DGKB: variants seen among roughly 807,000 people sequenced by gnomAD.
DGKB encodes the protein diacylglycerol kinase beta.
Under a neutral mutation model 114.3 loss-of-function variants are expected in DGKB, and 67 were observed. The ratio of observed to expected loss-of-function variants is 0.59; its 90% CI spans 0.48 to 0.72. The LOEUF is 0.72. DGKB is among the 30% of genes least tolerant of loss of function. The probability of loss-of-function intolerance (pLI) is 0.00; values close to 1 mark genes in which losing one functional copy is unlikely to be tolerated. For synonymous variants in DGKB, 398 were observed against 323.1 expected (o/e 1.23, Z -2.49); for missense variants, 907 against 975.2 (o/e 0.93, Z 0.93).
At chr7:14,284,364 G>T (rs62443697) in intron 23 of DGKB, among the ~76,000 whole-genome samples, 1 of 142,916 alleles carries the variant, frequency 7.0e-6, no homozygotes, top group African/African-American at 2.9e-5. Context: ...GGAAACAACA[G>T]GTGCTGGAGA....
At chr7:14,303,321 GTA>G (rs1397088395) in intron 23 of DGKB, among the ~76,000 whole-genome samples, 1 of 152,040 alleles carries the variant, frequency 6.6e-6, no homozygotes, top group Non-Finnish European at 1.5e-5. Flanking sequence ...ACTTGGATGT[GTA>G]TGACTGTATT....
rs1424437545 is a variant in DGKB at position 14,338,551 on chromosome 7, C to A, written c.2086G>T (p.Val696Phe). 1.6e-5 allele frequency: 26 copies of A among 1,593,432 alleles called. No individual in the cohort carries two copies. Among genetic ancestry groups the A allele is most frequent in the Non-Finnish European group, 2.2e-5 (26 of 1,170,882 alleles). The change falls in exon 23 of 26, where the codon GTC becomes TTC. Residue 696 changes from valine (V) to phenylalanine (F), a missense_variant. Val to Phe is a conservative substitution (Grantham distance 50, BLOSUM62 -1). Transcript: ENST00000402815. ...AACTTCAACTCTTTGGCATCTGTGA[C>A]GGTGGTCCTTTTGTCAGACCCTTTT... ...EKKGSDKRTT[V>F]TDAKELKFAS...
chr7:14,960,432 C>A (rs1054258822), intron 1 of DGKB, among the ~76,000 whole-genome samples: 8 of 151,530 alleles, frequency 5.3e-5, no homozygotes, highest in Non-Finnish European at 7.4e-5. Context: ...TACAGGCAAT[C>A]CTCTGACTTT....
chr7:14,254,262 T>C (rs766785339), intron 23 of DGKB, among the ~76,000 whole-genome samples: 10 of 152,338 alleles, frequency 6.6e-5, no homozygotes, highest in Non-Finnish European at 1.3e-4. Context: ...ATTTTTATCA[T>C]GCTTTCTTCA....
intron 20 of DGKB, among the ~76,000 whole-genome samples, chr7:14,514,829 G>A (rs1332379256): frequency 2.0e-5 from 3 of 152,024 alleles, no homozygotes; most frequent in Non-Finnish European, 2.9e-5. Context: ...TGAGACAGGA[G>A]GACTGCTTGA....
rs150437989 is a variant in DGKB, at chr7:14,167,548, T to C, written c.2304+9291A>G. On this transcript the variant is annotated intron_variant, in intron 25 of 25. Transcript: ENST00000402815. ...AGGAGGTGGCTTGAGAAAGCTATCCTATGAAGTTGCATTTGATCACCTGAG... is the reference window on the plus strand; with the variant it reads ...AGGAGGTGGCTTGAGAAAGCTATCCCATGAAGTTGCATTTGATCACCTGAG... Among the ~76,000 whole-genome samples the C allele has an allele frequency of 1.9e-3, 289 of 152,302 alleles. 1 individual carries two copies. The highest frequency in any genetic ancestry group is 6.5e-3 in the African/African-American group (272 of 41,570).
intron 20 of DGKB, among the ~76,000 whole-genome samples, chr7:14,510,433 C>G (rs561786918): frequency 6.6e-6 from 1 of 152,258 alleles, no homozygotes; most frequent in African/African-American, 2.4e-5. Flanking sequence ...TCCATAAGAA[C>G]CAACTCCCCA....
At chr7:14,965,138 T>C (rs2115285139) in intron 1 of DGKB, among the ~76,000 whole-genome samples, 1 of 152,240 alleles carries the variant, frequency 6.6e-6, no homozygotes, top group South Asian at 2.1e-4. Context: ...TTTATTTTGA[T>C]ATGTAGAATT....
intron 23 of DGKB, among the ~76,000 whole-genome samples, chr7:14,249,893 T>C (rs1310593608): frequency 6.6e-6 from 1 of 151,968 alleles, no homozygotes; most frequent in Non-Finnish European, 1.5e-5. Flanking sequence ...TTGCTCCTCA[T>C]TTTTTAGCTT....
chr7:14,556,182 A>AT (rs1365159876), intron 20 of DGKB, among the ~76,000 whole-genome samples: 1 of 152,172 alleles, frequency 6.6e-6, no homozygotes, highest in East Asian at 1.9e-4. Flanking sequence ...AATTATTTAG[A>AT]TTTCCTCATA....
At chr7:14,861,433 C>CT (rs1034682020) in intron 1 of DGKB, among the ~76,000 whole-genome samples, 1 of 151,758 alleles carries the variant, frequency 6.6e-6, no homozygotes, top group African/African-American at 2.4e-5. Flanking sequence ...CATAGCTGAT[C>CT]TTTTTTTCAT....
At position 14,192,483 on chromosome 7, in the gene DGKB, CAT is replaced by C. The variant is rs549904042; in HGVS notation, c.2123-14334_2123-14333del. Among the ~76,000 whole-genome samples the C allele has an allele frequency of 1.3e-3, 205 of 152,206 alleles. 4 individuals are homozygous for C. The Middle Eastern group carries it at 0.014, about 10-fold the overall frequency. On this transcript the variant is annotated intron_variant, in intron 23 of 25. Transcript: ENST00000402815. ...AAGAGGACACAAATAAATGGAAAGA[CAT>C]ATTATATTCATGAATTGGAAGAATT...
chr7:14,565,772 T>C (rs543511949), intron 20 of DGKB, among the ~76,000 whole-genome samples: 1 of 152,172 alleles, frequency 6.6e-6, no homozygotes, highest in African/African-American at 2.4e-5. Context: ...TCTCTTATTT[T>C]ACTAGAAGAT....
At chr7:14,679,446 T>C (rs1351317467) in intron 12 of DGKB, among the ~76,000 whole-genome samples, 3 of 152,032 alleles carry the variant, frequency 2.0e-5, no homozygotes, top group African/African-American at 7.2e-5. Flanking sequence ...GAGGAGACGA[T>C]CTTAAGAATC....
chr7:14,191,876 C>A, intron 23 of DGKB: 1 of 519,662 alleles, frequency 1.9e-6, no homozygotes, highest in South Asian at 1.5e-5. Context: ...CATTGCTTGC[C>A]AGTTTGCTGA....
chr7:14,643,799 G>A (rs111263142), intron 13 of DGKB, among the ~76,000 whole-genome samples: 4,751 of 152,134 alleles, frequency 0.031, 266 homozygotes, highest in African/African-American at 0.11. Flanking sequence ...GTTTAACTGG[G>A]GTCCACTGCC....
intron 2 of DGKB, among the ~76,000 whole-genome samples, chr7:14,786,923 C>A (rs1175828095): frequency 1.3e-5 from 2 of 152,212 alleles, no homozygotes; most frequent in East Asian, 3.9e-4. Context: ...TGGAGAAGAA[C>A]TACCCACTGT....
At chr7:14,662,404 G>C (rs184098109) in intron 13 of DGKB, among the ~76,000 whole-genome samples, 3 of 151,900 alleles carry the variant, frequency 2.0e-5, no homozygotes, top group South Asian at 4.1e-4. Context: ...TGGGTTTATA[G>C]TACAGAAAGA....
At chr7:14,415,642 T>C (rs967856509) in intron 21 of DGKB, among the ~76,000 whole-genome samples, 9 of 152,126 alleles carry the variant, frequency 5.9e-5, no homozygotes, top group African/African-American at 2.2e-4. Flanking sequence ...GGTGTATATG[T>C]GCCACATTTT....
Sources: gnomAD v4.1 joint callset for allele counts (sites outside exome capture counted in the v4.1 genomes callset) on GRCh38, gnomAD v4.1.1 for gene constraint, MANE v1.5 for transcripts, NCBI Gene and HGNC (gene_info 2026-07-23, HGNC 2026-07-21) for gene names.